The following DPYSL5 variants were observed in gnomAD, a reference collection of about 807,000 sequenced individuals.
The protein encoded by DPYSL5 is dihydropyrimidinase like 5.
In DPYSL5, 9 loss-of-function variants were observed where a neutral mutation model predicts 58.4. That is an observed-to-expected ratio of 0.15 (90% confidence interval 0.09 to 0.27). The LOEUF is 0.27. Ranked by LOEUF, DPYSL5 falls within the 10% of genes least tolerant of loss-of-function variation. The pLI is 1.00. For missense variants in DPYSL5, 499 were observed against 770.6 expected (o/e 0.65, Z 4.17); for synonymous variants, 293 against 301.9 (o/e 0.97, Z 0.31).
At chr2:26,889,276 T>C (rs890859779) in intron 1 of DPYSL5, among the ~76,000 whole-genome samples, 3 of 142,138 alleles carry the variant, frequency 2.1e-5, no homozygotes, top group Middle Eastern at 3.3e-3. Flanking sequence ...CTTATACTTC[T>C]TTTTTTTTTT....
chr2:26,867,524 C>T (rs1663125320), intron 1 of DPYSL5, among the ~76,000 whole-genome samples: 1 of 147,370 alleles, frequency 6.8e-6, no homozygotes, highest in African/African-American at 2.5e-5. Flanking sequence ...GGCGGGATCT[C>T]GGCTCACTGC....
rs1200907622 is a variant in DPYSL5 at position 26,931,933 on chromosome 2, A to G, written c.714+249A>G. Among the ~76,000 whole-genome samples, 7 of 146,456 alleles carry G rather than the reference A, an allele frequency of 4.8e-5. No individual in the cohort carries two copies. The Admixed American group carries it at 4.9e-4, about 10-fold the overall frequency. The stretch of plus-strand genomic sequence containing the variant: ...TGAGGCAGGAGAATTGCTTGAACCC[A>G]GGAGGCGGAGGTTGCAGTGAGCCAA... On this transcript the variant is annotated intron_variant, in intron 6 of 12. Coordinates refer to ENST00000288699, the MANE Select transcript of DPYSL5 (RefSeq NM_020134.4).
At chr2:26,902,027 G>A (rs1343610132) in intron 2 of DPYSL5, among the ~76,000 whole-genome samples, 26 of 151,920 alleles carry the variant, frequency 1.7e-4, no homozygotes, top group Admixed American at 1.7e-3. Context: ...CCTGCCCCAG[G>A]CAGCACCCCC....
intron 2 of DPYSL5, among the ~76,000 whole-genome samples, chr2:26,917,179 T>C (rs1664585611): frequency 6.6e-6 from 1 of 152,212 alleles, no homozygotes; most frequent in South Asian, 2.1e-4. Flanking sequence ...AACGTAGATC[T>C]GCCTGCCTGA....
At chr2:26,866,469 AAC>A (rs57210677) in intron 1 of DPYSL5, among the ~76,000 whole-genome samples, 118 of 148,376 alleles carry the variant, frequency 8.0e-4, no homozygotes, top group African/African-American at 1.8e-3. Flanking sequence ...TCATTATGCA[AAC>A]ACACACACAC....
At chr2:26,881,579 AC>A (rs1663562600) in intron 1 of DPYSL5, among the ~76,000 whole-genome samples, 1 of 152,222 alleles carries the variant, frequency 6.6e-6, no homozygotes, top group African/African-American at 2.4e-5. Flanking sequence ...CGTAAGAAAG[AC>A]AGCCGGCAGG....
At chr2:26,864,830 A>G (rs1205914123) in intron 1 of DPYSL5, among the ~76,000 whole-genome samples, 2 of 152,080 alleles carry the variant, frequency 1.3e-5, no homozygotes, top group East Asian at 3.9e-4. Context: ...GGGGTCAACT[A>G]AGCACATCCG....
intron 1 of DPYSL5, among the ~76,000 whole-genome samples, chr2:26,852,658 G>A (rs1460063302): frequency 2.6e-5 from 4 of 152,172 alleles, no homozygotes; most frequent in Admixed American, 2.6e-4. Flanking sequence ...GAGCCAGAAA[G>A]CCTGGGTTCA....
chr2:26,927,326 A>ACCT lies in DPYSL5; in HGVS notation c.495_497dup (p.Leu166dup). ...TTCCAGATGTTCATGACCTACAAGG[A>ACCT]CCTGTACATGCTTCGAGACAGTGAG... On this transcript the variant is annotated inframe_insertion, in exon 4 of 13. Coordinates refer to ENST00000288699, the MANE Select transcript of DPYSL5 (RefSeq NM_020134.4). The surrounding 1 kb of genome is among the most constrained non-coding windows in gnomAD (Gnocchi z 4.3). The ACCT allele has an allele frequency of 6.2e-7, 1 of 1,614,238 alleles. No individual in the cohort carries two copies. Among genetic ancestry groups the ACCT allele is most frequent in the Non-Finnish European group, 8.5e-7 (1 of 1,180,034 alleles).
chr2:26,874,453 A>G (rs2148119507), intron 1 of DPYSL5, among the ~76,000 whole-genome samples: 1 of 152,250 alleles, frequency 6.6e-6, no homozygotes, highest in Middle Eastern at 3.4e-3. Flanking sequence ...TTGTTCTAGC[A>G]TCATTTGTTG....
chr2:26,926,160 C>T (rs1664825820), intron 3 of DPYSL5, among the ~76,000 whole-genome samples: 1 of 152,236 alleles, frequency 6.6e-6, no homozygotes, highest in South Asian at 2.1e-4. Context: ...TATTTCTGCC[C>T]TCGGGTCTTA....
chr2:26,864,372 G>T (rs180693324), intron 1 of DPYSL5, among the ~76,000 whole-genome samples: 1 of 152,258 alleles, frequency 6.6e-6, no homozygotes, highest in African/African-American at 2.4e-5. Flanking sequence ...CCTCAACAAT[G>T]CTGACAGCAT....
Position 26,942,863 on chromosome 2 carries a change from A to G in DPYSL5, c.1440+113A>G. On this transcript the variant is annotated intron_variant, in intron 11 of 12. Coordinates refer to ENST00000288699, the MANE Select transcript of DPYSL5 (RefSeq NM_020134.4). This position sits in a 1 kb window ranked among gnomAD's most constrained non-coding sequence, Gnocchi z 5.9. Reference sequence around the variant, plus strand: ...TCACTCCAGTTTTCGACCCAATTCCATTGCACTTTCTCCAGCGTTGAGAGG... The same window carrying G: ...TCACTCCAGTTTTCGACCCAATTCCGTTGCACTTTCTCCAGCGTTGAGAGG... 8.2e-7 allele frequency: 1 copy of G among 1,225,334 alleles called. No homozygotes were observed. The highest frequency in any genetic ancestry group is 1.1e-6 in the Non-Finnish European group (1 of 871,686). 75.9% of individuals were successfully genotyped at this position (1,225,334 alleles called of 1,614,324 possible).
At position 26,930,976 on chromosome 2, in the gene DPYSL5, A is replaced by G. The variant is rs112153882; in HGVS notation, c.670-664A>G. On this transcript the variant is annotated intron_variant, in intron 5 of 12. Coordinates refer to ENST00000288699, the MANE Select transcript of DPYSL5 (RefSeq NM_020134.4). ...GCGACAGAGCAAGACTCCGTCTGGG[A>G]AAAAAAAAAAAAATTAGCCAAGCAT... Among the ~76,000 whole-genome samples, 394 of 136,336 alleles carry G rather than the reference A, an allele frequency of 2.9e-3. 2 individuals are homozygous for G. The highest frequency in any genetic ancestry group is 7.5e-3 in the Middle Eastern group (2 of 266). The allele number at this position is 136,336 out of a possible 152,430, so 89.4% of individuals were successfully genotyped here.
In DPYSL5 at chr2:26,942,439, A is replaced by G. The variant is rs1044717432; in HGVS notation, c.1233-104A>G. 8 of 1,327,002 alleles carry G rather than the reference A, an allele frequency of 6.0e-6. No individual in the cohort carries two copies. The highest frequency in any genetic ancestry group is 2.7e-5 in the South Asian group (2 of 73,502). The allele number at this position is 1,327,002 out of a possible 1,614,324, so 82.2% of individuals were successfully genotyped here. On this transcript the variant is annotated intron_variant, in intron 10 of 12. Coordinates refer to ENST00000288699, the MANE Select transcript of DPYSL5 (RefSeq NM_020134.4). The surrounding 1 kb of genome is among the most constrained non-coding windows in gnomAD (Gnocchi z 5.9). Reference sequence around the variant, plus strand: ...AGCAGAAGAATTTTGAAGGGAGCCAATTCAACCCATAACAACCAGCCTTTG... The same window carrying G: ...AGCAGAAGAATTTTGAAGGGAGCCAGTTCAACCCATAACAACCAGCCTTTG...
rs1043508187 is a variant in DPYSL5, at chr2:26,905,466, G to A, written c.261+6706G>A. Among the ~76,000 whole-genome samples, 2 of 152,132 alleles carry A rather than the reference G, an allele frequency of 1.3e-5. No homozygotes were observed. The highest frequency in any genetic ancestry group is 2.4e-5 in the African/African-American group (1 of 41,424). ...CAATGAAATTGCTCCACTGTGCACC[G>A]AGTGCCCATGCTACCTGTGTCCCTG... On this transcript the variant is annotated intron_variant, in intron 2 of 12. Coordinates refer to ENST00000288699, the MANE Select transcript of DPYSL5 (RefSeq NM_020134.4). This position sits in a 1 kb window ranked among gnomAD's most constrained non-coding sequence, Gnocchi z 4.0.
chr2:26,902,703 C>T (rs890536918), intron 2 of DPYSL5, among the ~76,000 whole-genome samples: 1 of 152,116 alleles, frequency 6.6e-6, no homozygotes, highest in African/African-American at 2.4e-5. Flanking sequence ...GGCTGCATTC[C>T]CAGATGGTTA....
chr2:26,871,786 T>C (rs556086912), intron 1 of DPYSL5, among the ~76,000 whole-genome samples: 1 of 152,326 alleles, frequency 6.6e-6, no homozygotes, highest in African/African-American at 2.4e-5. Context: ...TTCTTACATT[T>C]TTACTTGAAG....
chr2:26,944,845 G>A lies in DPYSL5; in HGVS notation c.1609+21G>A, dbSNP rs1425529503. 12 of 1,611,646 alleles carry A rather than the reference G, an allele frequency of 7.4e-6. No homozygotes were observed. Among genetic ancestry groups the A allele is most frequent in the African/African-American group, 1.3e-5 (1 of 74,878 alleles). ...CTCTGGTAAGAGTCAGGGGGCCACG[G>A]GAGGAGGATGGGGGTCTGGGAGAAG... On this transcript the variant is annotated intron_variant, in intron 12 of 12. Coordinates refer to ENST00000288699, the MANE Select transcript of DPYSL5 (RefSeq NM_020134.4). The surrounding 1 kb of genome is among the most constrained non-coding windows in gnomAD (Gnocchi z 4.4).
Sources: allele counts gnomAD v4.1 joint callset (sites outside exome capture counted in the v4.1 genomes callset), GRCh38; gene constraint gnomAD v4.1.1; non-coding constraint Gnocchi (gnomAD v3.1); transcripts MANE v1.5; gene names NCBI Gene and HGNC (gene_info 2026-07-23, HGNC 2026-07-21).